TAF8: variants seen among roughly 807,000 people sequenced by gnomAD.
The protein encoded by TAF8 is TATA-box binding protein associated factor 8, also known as transcription initiation factor TFIID subunit 8.
A neutral mutation model predicts 36.5 loss-of-function variants in TAF8; 47 were observed. The ratio of observed to expected loss-of-function variants is 1.29; its 90% CI spans 1.02 to 1.64. TAF8 has a LOEUF of 1.64. TAF8 is among the 40% of genes most tolerant of loss of function. The pLI is 0.00. For synonymous variants in TAF8, 175 were observed against 159.5 expected, an observed-to-expected ratio of 1.10 and a Z score of -0.73; for missense variants, 420 against 407.6, an observed-to-expected ratio of 1.03 and a Z score of -0.26.
intron 7 of TAF8, among the ~76,000 whole-genome samples, chr6:42,071,720 G>A (rs982540239): frequency 6.6e-6 from 1 of 151,602 alleles, no homozygotes; most frequent in African/African-American, 2.4e-5. Flanking sequence ...AATTGTTATT[G>A]TACGCTTCTG....
Position 42,080,359 on chromosome 6 carries a change from T to G in TAF8, c.*2814T>G. 1.1e-6 allele frequency: 1 copy of G among 906,302 alleles called. No individual in the cohort carries two copies. The highest frequency in any genetic ancestry group is 1.3e-6 in the Non-Finnish European group (1 of 796,744). 56.1% of individuals were successfully genotyped at this position (906,302 alleles called of 1,614,324 possible). On this transcript the variant is annotated 3_prime_UTR_variant, in exon 9 of 9. Coordinates refer to ENST00000372977, the MANE Select transcript of TAF8 (RefSeq NM_138572.3). The stretch of plus-strand genomic sequence containing the variant: ...TGTTGAGATTTCAGAGGCTATACTC[T>G]TTTTTTTTCTTTTCTTTTTTTTTTT...
At position 42,080,744 on chromosome 6, in the gene TAF8, T is replaced by C. The variant is rs1765898315; in HGVS notation, c.*3199T>C. 2.0e-6 allele frequency: 2 copies of C among 985,240 alleles called. No individual in the cohort carries two copies. Among genetic ancestry groups the C allele is most frequent in the Non-Finnish European group, 2.4e-6 (2 of 829,788 alleles). 61.0% of individuals were successfully genotyped at this position (985,240 alleles called of 1,614,324 possible). On this transcript the variant is annotated 3_prime_UTR_variant, in exon 9 of 9. Coordinates refer to ENST00000372977, the MANE Select transcript of TAF8 (RefSeq NM_138572.3). ...GGAAAGGGTTAGACAACTTGAAACA[T>C]TGACCCTGTATAAAAATGCAAAATT... is the stretch of plus-strand genomic sequence containing the variant.
chr6:42,068,538 G>A lies in TAF8; in HGVS notation c.711G>A (p.Met237Ile). 1 of 1,614,076 alleles carries A rather than the reference G, an allele frequency of 6.2e-7. No homozygotes were observed. Among genetic ancestry groups the A allele is most frequent in the Non-Finnish European group, 8.5e-7 (1 of 1,180,024 alleles). ...LLPSELEMQQ[M>I]EETDSSEQDE... ...CGTCTGAACTGGAGATGCAACAAATGGAAGAGACAGATTCCTCGGAGCAGG... is the reference window on the plus strand; with the variant it reads ...CGTCTGAACTGGAGATGCAACAAATAGAAGAGACAGATTCCTCGGAGCAGG... The change falls in exon 7 of 9, where the codon ATG (methionine) becomes ATA (isoleucine). Residue 237 changes from methionine to isoleucine, a missense_variant. Transcript: ENST00000372977.
At chr6:42,059,129 A>G (rs905902247) in intron 5 of TAF8, among the ~76,000 whole-genome samples, 1 of 151,978 alleles carries the variant, frequency 6.6e-6, no homozygotes, top group Non-Finnish European at 1.5e-5. Context: ...CACGCCTGTA[A>G]TCCCAGCACT....
intron 2 of TAF8, 169 bp downstream of exon 2, chr6:42,051,682 C>T (rs1458622647): frequency 4.6e-6 from 3 of 645,262 alleles, no homozygotes; most frequent in Non-Finnish European, 4.9e-6. Flanking sequence ...CACAATGGGC[C>T]GAGCGTGGTG....
At chr6:42,055,248 C>T (rs894533851) in intron 2 of TAF8, among the ~76,000 whole-genome samples, 12 of 152,218 alleles carry the variant, frequency 7.9e-5, no homozygotes, top group Non-Finnish European at 1.5e-4. Context: ...CAAAGTTCAT[C>T]TATGCTATAA....
chr6:42,080,682 G>A lies in TAF8; in HGVS notation c.*3137G>A, dbSNP rs972612491. ...ATGAGCCACCGCGCCTGGCCTCAGA[G>A]GCTATACTCTTATAATTTTGTTCTG... On this transcript the variant is annotated 3_prime_UTR_variant, in exon 9 of 9. Transcript: ENST00000372977. The A allele has an allele frequency of 1.1e-5, 11 of 985,038 alleles. No homozygotes were observed. Among genetic ancestry groups the A allele is most frequent in the Non-Finnish European group, 1.3e-5 (11 of 829,744 alleles). The allele number at this position is 985,038 out of a possible 1,614,324, so 61.0% of individuals were successfully genotyped here. A position where few individuals can be genotyped will look rare whatever the true frequency, so the allele number is the denominator to read the frequency against.
Position 42,077,813 on chromosome 6 carries a change from TG to T in TAF8, c.*270del. On this transcript the variant is annotated 3_prime_UTR_variant, in exon 9 of 9. Coordinates refer to ENST00000372977, the MANE Select transcript of TAF8 (RefSeq NM_138572.3). ...CTCTATCACCCAGGCTGGAATGCAGTGGTGTGATCTCAGCTCACTGCAGTCT... is the reference window on the plus strand; with the variant it reads ...CTCTATCACCCAGGCTGGAATGCAGTGTGTGATCTCAGCTCACTGCAGTCT... 1 of 1,215,306 alleles carries T rather than the reference TG, an allele frequency of 8.2e-7. No individual in the cohort carries two copies. The highest frequency in any genetic ancestry group is 1.7e-5 in the South Asian group (1 of 59,370). 75.3% of individuals were successfully genotyped at this position (1,215,306 alleles called of 1,614,324 possible).
At chr6:42,063,754 ACTGTG>A (rs1475722736) in intron 5 of TAF8, 1 of 151,712 alleles carries the variant, frequency 6.6e-6, no homozygotes, top group African/African-American at 2.4e-5. Context: ...GGCATGCACC[ACTGTG>A]CTCAGTCTTT....
intron 5 of TAF8, among the ~76,000 whole-genome samples, chr6:42,062,529 CTTTTTT>C (rs1174119617): frequency 1.3e-5 from 1 of 78,732 alleles, no homozygotes; most frequent in Non-Finnish European, 2.3e-5. Flanking sequence ...TTAAGACAAT[CTTTTTT>C]TTTTTTTTTT....
rs1765967075 is a variant in TAF8 at position 42,083,086 on chromosome 6, T to C, written c.*5541T>C. On this transcript the variant is annotated 3_prime_UTR_variant, in exon 9 of 9. Coordinates refer to ENST00000372977, the MANE Select transcript of TAF8 (RefSeq NM_138572.3). ...TATAAGTGATAACAAAATATCTTCC[T>C]CCTCCCCTGTTTCCCAGAGGCTCAG... 6.6e-6 allele frequency: 1 copy of C among 152,220 alleles called. No individual in the cohort carries two copies. The highest frequency in any genetic ancestry group is 1.5e-5 in the Non-Finnish European group (1 of 68,040). The allele number at this position is 152,220 out of a possible 1,614,324, so 9.4% of individuals were successfully genotyped here. A position where few individuals can be genotyped will look rare whatever the true frequency, so the allele number is the denominator to read the frequency against.
intron 7 of TAF8, among the ~76,000 whole-genome samples, chr6:42,071,691 C>T (rs1020857207): frequency 2.0e-5 from 3 of 151,570 alleles, no homozygotes; most frequent in Non-Finnish European, 2.9e-5. Context: ...GAGACCATGG[C>T]TTTAAATAAA....
At chr6:42,057,021 C>T (rs1352714619) in intron 4 of TAF8, among the ~76,000 whole-genome samples, 3 of 152,210 alleles carry the variant, frequency 2.0e-5, no homozygotes, top group African/African-American at 4.8e-5. Context: ...TAAGCTCACA[C>T]TTAATGTCCC....
chr6:42,053,521 C>T (rs540913129), intron 2 of TAF8, among the ~76,000 whole-genome samples: 1 of 148,522 alleles, frequency 6.7e-6, no homozygotes, highest in African/African-American at 2.5e-5. Flanking sequence ...GCCAAGATCA[C>T]ACCATTGTAC....
In TAF8 at chr6:42,078,531, A is replaced by G; in HGVS notation, c.*986A>G. On this transcript the variant is annotated 3_prime_UTR_variant, in exon 9 of 9. Coordinates refer to ENST00000372977, the MANE Select transcript of TAF8 (RefSeq NM_138572.3). ...ACGTGTCGGAAACAGGAGGCCACAC[A>G]GCACAGCTTTGTTTGGGGTGGGCAG... 2.0e-6 allele frequency: 2 copies of G among 985,554 alleles called. No individual in the cohort carries two copies. Among genetic ancestry groups the G allele is most frequent in the African/African-American group, 1.7e-5 (1 of 57,364 alleles). 61.1% of individuals were successfully genotyped at this position (985,554 alleles called of 1,614,324 possible). A position where few individuals can be genotyped will look rare whatever the true frequency, so the allele number is the denominator to read the frequency against.
In TAF8 at chr6:42,077,793, T is replaced by C; in HGVS notation, c.*248T>C. 1 of 1,317,104 alleles carries C rather than the reference T, an allele frequency of 7.6e-7. No individual in the cohort carries two copies. The highest frequency in any genetic ancestry group is 9.8e-7 in the Non-Finnish European group (1 of 1,020,220). The allele number at this position is 1,317,104 out of a possible 1,614,324, so 81.6% of individuals were successfully genotyped here. ...TATTTTGAGATGGAGTCTTACTCTA[T>C]CACCCAGGCTGGAATGCAGTGGTGT... On this transcript the variant is annotated 3_prime_UTR_variant, in exon 9 of 9. Transcript: ENST00000372977.
At chr6:42,056,066 G>C (rs1764977009) in intron 4 of TAF8, 52 bp downstream of exon 4, 1 of 1,197,602 alleles carries the variant, frequency 8.4e-7, no homozygotes, top group African/African-American at 1.5e-5. Flanking sequence ...AATGCTTGTG[G>C]AATGAAGTAA....
intron 2 of TAF8, among the ~76,000 whole-genome samples, chr6:42,052,286 G>A (rs1296036801): frequency 6.6e-6 from 1 of 151,168 alleles, no homozygotes; most frequent in African/African-American, 2.4e-5. Context: ...TGAAATGCTA[G>A]ATTGTGTGAT....
intron 7 of TAF8, 143 bp from the exon 8 acceptor site, chr6:42,076,957 G>A: frequency 9.4e-7 from 1 of 1,060,198 alleles, no homozygotes; most frequent in Non-Finnish European, 1.3e-6. Context: ...GCTTCATCGG[G>A]GCAGAGATAG....
Sources: allele counts gnomAD v4.1 joint callset (sites outside exome capture counted in the v4.1 genomes callset), GRCh38; gene constraint gnomAD v4.1.1; transcripts MANE v1.5; gene names NCBI Gene and HGNC (gene_info 2026-07-23, HGNC 2026-07-21).